Variants in SGCG observed in about 807,000 individuals in gnomAD.
The protein encoded by SGCG is sarcoglycan gamma.
In SGCG, 26 loss-of-function variants were observed where a neutral mutation model predicts 29.3. The ratio of observed to expected loss-of-function variants is 0.89; its 90% CI spans 0.65 to 1.23. The LOEUF is 1.23. SGCG is among the 50% of genes most tolerant of loss of function. SGCG has a pLI of 0.00. For missense variants in SGCG, 353 were observed against 356.0 expected (o/e 0.99, Z 0.07); for synonymous variants, 145 against 129.7 (o/e 1.12, Z -0.80).
Position 23,224,867 on chromosome 13 carries a change from C to T in SGCG, c.196-9744C>T, listed in dbSNP as rs183472338. Among the ~76,000 whole-genome samples, 6 of 152,212 alleles carry T rather than the reference C, an allele frequency of 3.9e-5. No homozygotes were observed. In the East Asian group the frequency reaches 7.7e-4, roughly 20 times the overall value. On this transcript the variant is annotated intron_variant, in intron 2 of 7. Coordinates refer to ENST00000218867, the MANE Select transcript of SGCG (RefSeq NM_000231.3). ...AATAGAGTAATTTCATCTCAACCTC[C>T]GAGAGTAGGGCCCAGGTGTCTGATT...
chr13:23,224,573 C>G (rs1015879661), intron 2 of SGCG, among the ~76,000 whole-genome samples: 2 of 152,062 alleles, frequency 1.3e-5, no homozygotes, highest in Non-Finnish European at 2.9e-5. Context: ...ATCTTTACTT[C>G]TAGCCCAGAG....
At chr13:23,198,341 T>G (rs930948456) in intron 1 of SGCG, among the ~76,000 whole-genome samples, 2 of 152,218 alleles carry the variant, frequency 1.3e-5, no homozygotes, top group Non-Finnish European at 2.9e-5. Flanking sequence ...TTCACTATAT[T>G]ATATGCTATG....
chr13:23,188,487 T>TG (rs1565992134), intron 1 of SGCG, among the ~76,000 whole-genome samples: 1 of 127,912 alleles, frequency 7.8e-6, no homozygotes, highest in Non-Finnish European at 1.8e-5. Flanking sequence ...CTAATTTTTT[T>TG]TTTTTTTTTT....
intron 7 of SGCG, among the ~76,000 whole-genome samples, chr13:23,323,774 G>A (rs895082152): frequency 6.6e-6 from 1 of 152,150 alleles, no homozygotes; most frequent in Non-Finnish European, 1.5e-5. Context: ...TAGGGAAATG[G>A]TTGCCAGCTA....
At chr13:23,195,449 AT>A (rs58854406) in intron 1 of SGCG, among the ~76,000 whole-genome samples, 17,073 of 147,416 alleles carry the variant, frequency 0.12, 997 homozygotes, top group South Asian at 0.17. Context: ...GCTTGTTTTT[AT>A]TTTTTTTTTC....
chr13:23,178,677 T>C (rs1876633873), upstream of SGCG, among the ~76,000 whole-genome samples: 1 of 152,212 alleles, frequency 6.6e-6, no homozygotes, highest in Non-Finnish European at 1.5e-5. Flanking sequence ...TGTTGAACTT[T>C]CTCATTCCCC....
At chr13:23,203,614 T>C in intron 1 of SGCG, 81 bp from the exon 2 acceptor site, 1 of 951,418 alleles carries the variant, frequency 1.1e-6, no homozygotes, top group Middle Eastern at 2.3e-4. Flanking sequence ...AGGCTCATAG[T>C]AAATCAGTAT....
chr13:23,314,622 G>A (rs1452099818), intron 6 of SGCG, among the ~76,000 whole-genome samples: 2 of 151,808 alleles, frequency 1.3e-5, no homozygotes, highest in African/African-American at 4.8e-5. Context: ...TTACATTGAT[G>A]ACATTATGCT....
At chr13:23,323,923 A>G (rs1297296124) in intron 7 of SGCG, among the ~76,000 whole-genome samples, 1 of 152,198 alleles carries the variant, frequency 6.6e-6, no homozygotes, top group East Asian at 1.9e-4. Flanking sequence ...GGAGGAGAGG[A>G]TTTACATAAA....
chr13:23,246,648 A>G (rs1258228219), intron 3 of SGCG: 3 of 217,464 alleles, frequency 1.4e-5, no homozygotes, highest in African/African-American at 6.9e-5. Context: ...AAAGCCTTAC[A>G]ACACCCCAAG....
intron 4 of SGCG, among the ~76,000 whole-genome samples, chr13:23,277,420 A>G (rs1036042511): frequency 1.1e-4 from 17 of 152,276 alleles, no homozygotes; most frequent in Non-Finnish European, 7.4e-5. Context: ...TTTTAAAAAA[A>G]AAAAGGAGAT....
chr13:23,263,284 G>A (rs1177219581), intron 4 of SGCG, among the ~76,000 whole-genome samples: 1 of 151,982 alleles, frequency 6.6e-6, no homozygotes, highest in Non-Finnish European at 1.5e-5. Flanking sequence ...GATTAGAAAT[G>A]AAAATGGAGA....
intron 4 of SGCG, among the ~76,000 whole-genome samples, chr13:23,272,414 G>T (rs917592919): frequency 7.9e-5 from 12 of 152,082 alleles, no homozygotes; most frequent in Admixed American, 3.9e-4. Context: ...AAGATAATAT[G>T]ATTTATTTTT....
chr13:23,168,460 C>G, the SGCG span, among the ~76,000 whole-genome samples: 1 of 152,150 alleles, frequency 6.6e-6, no homozygotes, highest in African/African-American at 2.4e-5. Flanking sequence ...GTGTTTGGCA[C>G]CTAGTTGGTG....
chr13:23,310,190 C>T (rs534912001), intron 6 of SGCG, among the ~76,000 whole-genome samples: 4 of 146,364 alleles, frequency 2.7e-5, no homozygotes, highest in African/African-American at 7.5e-5. Flanking sequence ...GGGTTCACGC[C>T]ATTCTCCTGC....
intron 6 of SGCG, among the ~76,000 whole-genome samples, chr13:23,312,205 A>G (rs1489720922): frequency 1.3e-5 from 2 of 152,204 alleles, no homozygotes; most frequent in Non-Finnish European, 2.9e-5. Context: ...CCAAAGGGAA[A>G]TTTCTATAAG....
intron 4 of SGCG, among the ~76,000 whole-genome samples, chr13:23,269,867 T>A (rs1880795275): frequency 1.0e-5 from 1 of 99,624 alleles, no homozygotes. Flanking sequence ...TTTTTTTTGT[T>A]TTTTTTGTTT....
chr13:23,259,173 T>C lies in SGCG; in HGVS notation c.385+8456T>C, dbSNP rs568262360. Among the ~76,000 whole-genome samples the C allele has an allele frequency of 1.5e-4, 23 of 152,312 alleles. No individual in the cohort carries two copies. The South Asian group carries it at 3.3e-3, about 22-fold the overall frequency. On this transcript the variant is annotated intron_variant, in intron 4 of 7. Coordinates refer to ENST00000218867, the MANE Select transcript of SGCG (RefSeq NM_000231.3). ...ATTTGGCTGTAAATCCGTCTGCTCT[T>C]GGACTTTTTTTGGTTGGTAGGCTAT...
chr13:23,161,917 C>T, the SGCG span, among the ~76,000 whole-genome samples: 3 of 152,212 alleles, frequency 2.0e-5, no homozygotes, highest in Non-Finnish European at 4.4e-5. Context: ...ATACACTTAA[C>T]ACCGTGGCCT....
Sources: gnomAD v4.1 joint callset for allele counts (sites outside exome capture counted in the v4.1 genomes callset) on GRCh38, gnomAD v4.1.1 for gene constraint, MANE v1.5 for transcripts, NCBI Gene and HGNC (gene_info 2026-07-23, HGNC 2026-07-21) for gene names.